The following DPYD variants were observed in gnomAD, a reference collection of about 807,000 sequenced individuals.
DPYD encodes the protein dihydropyrimidine dehydrogenase [NADP(+)].
A neutral mutation model predicts 116.2 loss-of-function variants in DPYD; 109 were observed. The observed-to-expected ratio is 0.94, with a 90% CI of 0.80 to 1.10. The LOEUF (loss-of-function observed/expected upper bound fraction) is 1.10. Ranked by LOEUF, DPYD falls within the 50% of genes least tolerant of loss-of-function variation. The probability of loss-of-function intolerance (pLI) is 0.00; values close to 1 mark genes in which losing one functional copy is unlikely to be tolerated. For synonymous variants in DPYD, 440 were observed against 432.0 expected (o/e 1.02, Z -0.23); for missense variants, 1,302 against 1,254.5 (o/e 1.04, Z -0.57).
intron 3 of DPYD, among the ~76,000 whole-genome samples, chr1:97,787,543 T>G (rs987105297): frequency 2.0e-5 from 3 of 152,128 alleles, no homozygotes; most frequent in Non-Finnish European, 2.9e-5. Context: ...AGCAAACACT[T>G]TAAAGAATAA....
In DPYD at chr1:97,296,769, A is replaced by G. The variant is rs571947765; in HGVS notation, c.2299+8490T>C. 3.3e-5 allele frequency among the ~76,000 whole-genome samples: 5 copies of G among 152,278 alleles called. No individual in the cohort carries two copies. In the South Asian group the frequency reaches 1.0e-3, roughly 32 times the overall value. On this transcript the variant is annotated intron_variant, in intron 18 of 22. Transcript: ENST00000370192. ...CAAATTTTAAAAAAAACATAAAAAT[A>G]GGATAAAATTTGATGGAGAAATTGT... is the stretch of plus-strand genomic sequence containing the variant.
At position 97,082,310 on chromosome 1, in the gene DPYD, A is replaced by G. The variant is rs1407148930; in HGVS notation, c.2907+20T>C. 3 of 1,613,214 alleles carry G rather than the reference A, an allele frequency of 1.9e-6. No homozygotes were observed. Among genetic ancestry groups the G allele is most frequent in the Admixed American group, 3.3e-5 (2 of 59,996 alleles). On this transcript the variant is annotated intron_variant, in intron 22 of 22. Coordinates refer to ENST00000370192, the MANE Select transcript of DPYD (RefSeq NM_000110.4). ...GAAGAAACATGTCTCATAGCATTCT[A>G]ATTCCAGCAGGATTCTTACCTGGTA...
intron 20 of DPYD, among the ~76,000 whole-genome samples, chr1:97,099,728 T>C (rs1372979998): frequency 6.6e-6 from 1 of 152,096 alleles, no homozygotes; most frequent in Non-Finnish European, 1.5e-5. Flanking sequence ...CTAGCAAGTA[T>C]TTTGGTGAAA....
intron 20 of DPYD, among the ~76,000 whole-genome samples, chr1:97,142,524 T>C (rs999888701): frequency 2.0e-5 from 3 of 152,156 alleles, no homozygotes; most frequent in African/African-American, 7.2e-5. Context: ...TCAGTCTCTT[T>C]CAAACAGCTC....
chr1:97,698,913 C>A (rs185728301), intron 6 of DPYD, among the ~76,000 whole-genome samples: 1 of 151,958 alleles, frequency 6.6e-6, no homozygotes, highest in Admixed American at 6.6e-5. Flanking sequence ...AAAAGTAAGA[C>A]TTAAGAAATT....
At chr1:97,882,174 C>T (rs1158397297) in intron 2 of DPYD, among the ~76,000 whole-genome samples, 1 of 151,884 alleles carries the variant, frequency 6.6e-6, no homozygotes, top group Non-Finnish European at 1.5e-5. Context: ...CTACTAGAAG[C>T]ATCATGATAG....
At chr1:97,440,193 G>A (rs4949954) in intron 14 of DPYD, among the ~76,000 whole-genome samples, 2,115 of 151,418 alleles carry the variant, frequency 0.014, 35 homozygotes, top group Non-Finnish European at 0.019. Context: ...TGAACCGGGA[G>A]GCAAAAGTTG....
chr1:97,081,310 T>C (rs1351501469), intron 22 of DPYD, among the ~76,000 whole-genome samples: 1 of 152,048 alleles, frequency 6.6e-6, no homozygotes, highest in Non-Finnish European at 1.5e-5. Flanking sequence ...AAAAAGATCT[T>C]TTTTTACTTA....
chr1:97,180,266 C>T (rs139815792), intron 20 of DPYD, among the ~76,000 whole-genome samples: 1 of 152,032 alleles, frequency 6.6e-6, no homozygotes, highest in Non-Finnish European at 1.5e-5. Flanking sequence ...CAAAATGACT[C>T]CTTTGTCTCC....
chr1:97,773,689 C>T (rs377452187), intron 3 of DPYD, among the ~76,000 whole-genome samples: 11 of 152,176 alleles, frequency 7.2e-5, no homozygotes, highest in East Asian at 1.9e-4. Flanking sequence ...GATGGCAGAA[C>T]GAAGCGGATT....
chr1:97,882,750 C>T (rs1048562021), intron 2 of DPYD, among the ~76,000 whole-genome samples: 1 of 151,936 alleles, frequency 6.6e-6, no homozygotes, highest in African/African-American at 2.4e-5. Context: ...TACACCTCAC[C>T]TGGAAATATT....
intron 16 of DPYD, among the ~76,000 whole-genome samples, chr1:97,319,448 A>G (rs1668094896): frequency 8.0e-6 from 1 of 125,586 alleles, no homozygotes; most frequent in African/African-American, 3.1e-5. Flanking sequence ...AGAATACTAC[A>G]AACACCTCTA....
intron 14 of DPYD, among the ~76,000 whole-genome samples, chr1:97,398,068 G>A (rs1365586584): frequency 6.6e-6 from 1 of 151,790 alleles, no homozygotes; most frequent in Non-Finnish European, 1.5e-5. Context: ...TTTACATTAG[G>A]TATATCTCCT....
chr1:97,297,244 T>C (rs1176663758), intron 18 of DPYD, among the ~76,000 whole-genome samples: 1 of 152,168 alleles, frequency 6.6e-6, no homozygotes, highest in African/African-American at 2.4e-5. Context: ...CCAAATTCCT[T>C]TCTCTTCTCT....
At chr1:97,130,890 CCTCCCTCCCTCCCTCA>C (rs1653284421) in intron 20 of DPYD, among the ~76,000 whole-genome samples, 4 of 143,104 alleles carry the variant, frequency 2.8e-5, no homozygotes, top group African/African-American at 1.1e-4. Context: ...TTCCTTCTTT[CCTCCCTCCCTCCCTCA>C]CTCCCTCCCT....
intron 13 of DPYD, among the ~76,000 whole-genome samples, chr1:97,509,430 C>T (rs757528406): frequency 2.2e-4 from 34 of 151,792 alleles, no homozygotes; most frequent in Non-Finnish European, 4.0e-4. Context: ...GGAAAAGTGG[C>T]CTGTATTATG....
intron 18 of DPYD, among the ~76,000 whole-genome samples, chr1:97,247,175 A>T (rs952353731): frequency 6.6e-6 from 1 of 152,190 alleles, no homozygotes; most frequent in Non-Finnish European, 1.5e-5. Flanking sequence ...AGTAATGTGA[A>T]TTATCATTTT....
At chr1:97,780,469 T>C (rs1325910795) in intron 3 of DPYD, among the ~76,000 whole-genome samples, 1 of 152,212 alleles carries the variant, frequency 6.6e-6, no homozygotes, top group African/African-American at 2.4e-5. Context: ...TGATTTGCTG[T>C]TTGCCCAAAG....
At chr1:97,080,661 C>T (rs1322401950) in intron 22 of DPYD, among the ~76,000 whole-genome samples, 1 of 151,950 alleles carries the variant, frequency 6.6e-6, no homozygotes, top group Non-Finnish European at 1.5e-5. Context: ...TCCTTAGGTA[C>T]CCTTTTATAT....
Sources: allele counts gnomAD v4.1 joint callset (sites outside exome capture counted in the v4.1 genomes callset), GRCh38; gene constraint gnomAD v4.1.1; transcripts MANE v1.5; gene names NCBI Gene and HGNC (gene_info 2026-07-23, HGNC 2026-07-21).